The following MAST4 variants were observed in gnomAD, a reference collection of about 807,000 sequenced individuals.
MAST4 encodes microtubule-associated serine/threonine-protein kinase 4.
Under a neutral mutation model 162.7 loss-of-function variants are expected in MAST4, and 89 were observed. That is an observed-to-expected ratio of 0.55 (90% CI 0.46 to 0.65). MAST4 has a LOEUF of 0.65. Among genes scored for constraint, MAST4 ranks in the 30% least tolerant of loss-of-function variants. The pLI is 0.00. For synonymous variants in MAST4, 1,479 were observed against 1,361.1 expected, an observed-to-expected ratio of 1.09 and a Z score of -1.91; for missense variants, 3,153 against 3,374.0, an observed-to-expected ratio of 0.93 and a Z score of 1.62.
At chr5:66,877,360 C>G (rs954945967) in intron 3 of MAST4, among the ~76,000 whole-genome samples, 7 of 152,220 alleles carry the variant, frequency 4.6e-5, no homozygotes, top group African/African-American at 1.7e-4. Context: ...GAACCACTTT[C>G]ATCTGTACAG....
At chr5:67,138,892 T>C (rs1770014755) in intron 19 of MAST4, among the ~76,000 whole-genome samples, 1 of 152,220 alleles carries the variant, frequency 6.6e-6, no homozygotes, top group South Asian at 2.1e-4. Flanking sequence ...CTGTATTTAC[T>C]CCTCCAGGAA....
At chr5:66,981,788 A>G (rs1294625530) in intron 4 of MAST4, among the ~76,000 whole-genome samples, 1 of 152,188 alleles carries the variant, frequency 6.6e-6, no homozygotes, top group Non-Finnish European at 1.5e-5. Context: ...TGAGGGCTGT[A>G]AAGTAGTATT....
chr5:66,630,798 G>A (rs965914840), intron 1 of MAST4, among the ~76,000 whole-genome samples: 3 of 152,174 alleles, frequency 2.0e-5, no homozygotes, highest in African/African-American at 7.2e-5. Flanking sequence ...GTTCCATAGA[G>A]TGATCTCTCT....
chr5:67,157,129 C>G (rs370667610), intron 26 of MAST4, among the ~76,000 whole-genome samples: 1 of 152,222 alleles, frequency 6.6e-6, no homozygotes, highest in Non-Finnish European at 1.5e-5. Context: ...CCACCTTGAG[C>G]AGTTCAGGTA....
chr5:67,094,579 A>C (rs982846320), intron 6 of MAST4, among the ~76,000 whole-genome samples: 1 of 152,132 alleles, frequency 6.6e-6, no homozygotes, highest in Non-Finnish European at 1.5e-5. Context: ...GCCCCTTGAC[A>C]AATTTGCATA....
intron 22 of MAST4, 112 bp from the exon 23 acceptor site, chr5:67,145,032 A>G (rs1770887312): frequency 3.1e-6 from 3 of 972,012 alleles, no homozygotes; most frequent in Middle Eastern, 2.7e-4. Flanking sequence ...TGCACTAGAC[A>G]TCTCTTGGTT....
At chr5:66,877,605 G>A (rs971353597) in intron 3 of MAST4, among the ~76,000 whole-genome samples, 3 of 151,976 alleles carry the variant, frequency 2.0e-5, no homozygotes, top group East Asian at 3.9e-4. Context: ...TGGTACCACC[G>A]GCACGGGCCT....
intron 26 of MAST4, among the ~76,000 whole-genome samples, chr5:67,157,251 T>C (rs1772644018): frequency 6.6e-6 from 1 of 152,256 alleles, no homozygotes; most frequent in Admixed American, 6.5e-5. Context: ...AACCTAATTA[T>C]TGTACTCTGC....
intron 4 of MAST4, chr5:67,005,023 T>C: frequency 1.3e-6 from 1 of 775,168 alleles, no homozygotes. Context: ...ATTTTTGGAC[T>C]GTGCTCTCAA....
chr5:67,126,344 C>T (rs1033913809), intron 14 of MAST4, among the ~76,000 whole-genome samples: 1 of 152,124 alleles, frequency 6.6e-6, no homozygotes, highest in African/African-American at 2.4e-5. Context: ...AATGGTATTA[C>T]CTAGGTTTTC....
intron 4 of MAST4, among the ~76,000 whole-genome samples, chr5:67,029,960 T>A (rs1755106387): frequency 6.6e-6 from 1 of 152,090 alleles, no homozygotes; most frequent in Admixed American, 6.6e-5. Flanking sequence ...TTTTATACAT[T>A]TGAATTTCTC....
chr5:67,141,622 T>C (rs1021567899), intron 19 of MAST4, among the ~76,000 whole-genome samples: 7 of 152,224 alleles, frequency 4.6e-5, no homozygotes, highest in African/African-American at 1.7e-4. Context: ...CTAATTCTTA[T>C]CTATGTTAAT....
intron 4 of MAST4, among the ~76,000 whole-genome samples, chr5:67,048,797 A>G (rs1352307184): frequency 6.6e-6 from 1 of 151,504 alleles, no homozygotes; most frequent in Non-Finnish European, 1.5e-5. Context: ...CAATGTGTAT[A>G]CCTTTACAGA....
intron 3 of MAST4, among the ~76,000 whole-genome samples, chr5:66,801,164 T>C (rs1047188550): frequency 2.0e-5 from 3 of 152,166 alleles, no homozygotes; most frequent in Non-Finnish European, 4.4e-5. Flanking sequence ...GTGATTGTTA[T>C]GTGCTTAGAG....
intron 3 of MAST4, among the ~76,000 whole-genome samples, chr5:66,836,867 CTG>C (rs1421081144): frequency 6.6e-6 from 1 of 152,080 alleles, no homozygotes; most frequent in African/African-American, 2.4e-5. Context: ...ATGGAAGAAT[CTG>C]TACACTAAAC....
At chr5:66,968,007 C>A (rs895255921) in intron 4 of MAST4, among the ~76,000 whole-genome samples, 4 of 152,128 alleles carry the variant, frequency 2.6e-5, no homozygotes, top group African/African-American at 7.2e-5. Context: ...GTGCCAGCTC[C>A]TAATCTGGAC....
chr5:67,159,381 G>T (rs1231911207), intron 26 of MAST4, among the ~76,000 whole-genome samples: 1 of 151,986 alleles, frequency 6.6e-6, no homozygotes, highest in Non-Finnish European at 1.5e-5. Flanking sequence ...ACTGTAGCAT[G>T]GATTACTTCC....
At chr5:66,931,765 TA>T (rs140448523) in intron 4 of MAST4, among the ~76,000 whole-genome samples, 4 of 151,242 alleles carry the variant, frequency 2.6e-5, no homozygotes, top group African/African-American at 7.3e-5. Flanking sequence ...TACACTGTAT[TA>T]AAAAAAAAGA....
intron 3 of MAST4, among the ~76,000 whole-genome samples, chr5:66,889,681 G>A (rs1185954974): frequency 6.6e-6 from 1 of 152,122 alleles, no homozygotes; most frequent in East Asian, 1.9e-4. Context: ...CTCTGTAGTT[G>A]TGCCCTAGAT....
Sources: allele counts gnomAD v4.1 joint callset (sites outside exome capture counted in the v4.1 genomes callset), GRCh38; gene constraint gnomAD v4.1.1; transcripts MANE v1.5; gene names NCBI Gene and HGNC (gene_info 2026-07-23, HGNC 2026-07-21).